The following FRMD4B variants were observed in gnomAD, a reference collection of about 807,000 sequenced individuals.
The protein encoded by FRMD4B is FERM domain containing 4B, also known as FERM domain-containing protein 4B.
In FRMD4B, 74 loss-of-function variants were observed where a neutral mutation model predicts 141.5. The ratio of observed to expected loss-of-function variants is 0.52; its 90% CI spans 0.43 to 0.63. The LOEUF (loss-of-function observed/expected upper bound fraction) is 0.63. Among genes scored for constraint, FRMD4B ranks in the 30% least tolerant of loss-of-function variants. The pLI is 0.00. For missense variants in FRMD4B, 1,366 were observed against 1,253.4 expected, an observed-to-expected ratio of 1.09 and a Z score of -1.36; for synonymous variants, 506 against 467.9, an observed-to-expected ratio of 1.08 and a Z score of -1.05.
At chr3:69,438,009 T>TTATATATACTACTATATTATATGTAAC (rs1705287767) in intron 1 of FRMD4B, among the ~76,000 whole-genome samples, 1 of 141,256 alleles carries the variant, frequency 7.1e-6, no homozygotes, top group Non-Finnish European at 1.5e-5. Context: ...TATAATACTG[T>TTATATATACTACTATATTATATGTAAC]TATATATACT....
At chr3:69,484,606 G>A (rs1706183636) in intron 1 of FRMD4B, among the ~76,000 whole-genome samples, 1 of 152,132 alleles carries the variant, frequency 6.6e-6, no homozygotes, top group African/African-American at 2.4e-5. Flanking sequence ...GCAGAGAGGA[G>A]TCCCTGGAGA....
intron 1 of FRMD4B, among the ~76,000 whole-genome samples, chr3:69,331,004 A>G (rs1363219129): frequency 6.6e-6 from 1 of 152,086 alleles, no homozygotes; most frequent in Admixed American, 6.5e-5. Context: ...TTCTAATCTC[A>G]GTTCCGTTCT....
intron 13 of FRMD4B, 132 bp downstream of exon 13, chr3:69,196,768 G>A: frequency 1.5e-6 from 1 of 662,256 alleles, no homozygotes; most frequent in South Asian, 2.1e-5. Flanking sequence ...ACCTGAAATA[G>A]TTGGAAGTTA....
intron 5 of FRMD4B, 187 bp from the exon 6 acceptor site, chr3:69,250,286 T>TGTGG: frequency 2.0e-6 from 1 of 488,438 alleles, no homozygotes. Context: ...AACCACTGTG[T>TGTGG]GTGCGTGTGT....
At chr3:69,229,517 T>C (rs1044181712) in intron 7 of FRMD4B, among the ~76,000 whole-genome samples, 1 of 152,252 alleles carries the variant, frequency 6.6e-6, no homozygotes, top group Middle Eastern at 3.4e-3. Context: ...TTTGAAGTGG[T>C]TGAGCTGTGG....
At chr3:69,330,774 G>A (rs982576169) in intron 1 of FRMD4B, among the ~76,000 whole-genome samples, 1 of 152,140 alleles carries the variant, frequency 6.6e-6, no homozygotes, top group Non-Finnish European at 1.5e-5. Context: ...TGGGATTACA[G>A]GCGTGTGCCA....
At chr3:69,368,811 C>T (rs1019331315) in intron 1 of FRMD4B, among the ~76,000 whole-genome samples, 5 of 152,158 alleles carry the variant, frequency 3.3e-5, no homozygotes, top group African/African-American at 2.4e-5. Context: ...GTACACACCA[C>T]CATATCTGGC....
intron 7 of FRMD4B, among the ~76,000 whole-genome samples, chr3:69,240,524 ACAAT>A (rs2093374978): frequency 6.6e-6 from 1 of 151,730 alleles, no homozygotes; most frequent in African/African-American, 2.4e-5. Context: ...TAAAAGAAAA[ACAAT>A]CAATGCAGAT....
At chr3:69,260,671 C>G (rs926096996) in intron 5 of FRMD4B, among the ~76,000 whole-genome samples, 12 of 152,370 alleles carry the variant, frequency 7.9e-5, no homozygotes, top group East Asian at 1.9e-4. Context: ...AAACTCTGCC[C>G]GCAGCCCCAG....
rs146605883 is a variant in FRMD4B, at chr3:69,335,256, C to A, written c.163-21739G>T. On this transcript the variant is annotated intron_variant, in intron 1 of 22. Coordinates refer to ENST00000398540, the MANE Select transcript of FRMD4B (RefSeq NM_015123.3). ...AGAAATAGCAATGATGAGGATTCAG[C>A]CTTGGCAGATCTGAGAAAAGCATAT... Among the ~76,000 whole-genome samples, 291 of 152,232 alleles carry A rather than the reference C, an allele frequency of 1.9e-3. 1 individual carries two copies. Among genetic ancestry groups the A allele is most frequent in the African/African-American group, 6.8e-3 (282 of 41,542 alleles).
intron 21 of FRMD4B, among the ~76,000 whole-genome samples, chr3:69,177,723 T>C (rs1259281238): frequency 6.6e-6 from 1 of 152,188 alleles, no homozygotes; most frequent in Non-Finnish European, 1.5e-5. Context: ...ACAATTCTCA[T>C]ATATTGCGAG....
intron 1 of FRMD4B, among the ~76,000 whole-genome samples, chr3:69,326,167 G>A (rs1451239847): frequency 6.9e-6 from 1 of 144,564 alleles, no homozygotes; most frequent in East Asian, 2.0e-4. Flanking sequence ...ATGTTGCCTA[G>A]GCTAGTCTTG....
intron 1 of FRMD4B, chr3:69,536,561 G>A (rs535676737): frequency 2.8e-6 from 2 of 711,294 alleles, no homozygotes; most frequent in Admixed American, 2.0e-5. Context: ...GATGGTGAGA[G>A]GGCAGGAGGC....
intron 1 of FRMD4B, among the ~76,000 whole-genome samples, chr3:69,474,965 C>T (rs1305690964): frequency 6.6e-6 from 1 of 152,130 alleles, no homozygotes; most frequent in Non-Finnish European, 1.5e-5. Flanking sequence ...GGCTTTCAAG[C>T]TTAGACCAAA....
At chr3:69,391,265 T>C (rs1272443220) in intron 2 of FRMD4B, among the ~76,000 whole-genome samples, 3 of 151,856 alleles carry the variant, frequency 2.0e-5, no homozygotes, top group South Asian at 4.1e-4. Context: ...TTTATTATTA[T>C]ACTTTTAAGT....
intron 2 of FRMD4B, among the ~76,000 whole-genome samples, chr3:69,411,530 C>A (rs1163870988): frequency 6.6e-6 from 1 of 152,170 alleles, no homozygotes; most frequent in Admixed American, 6.5e-5. Context: ...AGGCTCCATC[C>A]TTCAGCAGGG....
chr3:69,286,307 A>G (rs1700687542), intron 5 of FRMD4B, among the ~76,000 whole-genome samples: 1 of 152,222 alleles, frequency 6.6e-6, no homozygotes, highest in Non-Finnish European at 1.5e-5. Context: ...ACACAAAAAT[A>G]ATAATGTCAT....
intron 1 of FRMD4B, among the ~76,000 whole-genome samples, chr3:69,533,279 G>C (rs1387928570): frequency 6.6e-6 from 1 of 152,214 alleles, no homozygotes; most frequent in Non-Finnish European, 1.5e-5. Flanking sequence ...TGCTGTGACT[G>C]TCAAGGACAA....
At chr3:69,353,809 C>A (rs530681554) in intron 1 of FRMD4B, 2 of 542,844 alleles carry the variant, frequency 3.7e-6, no homozygotes, top group Non-Finnish European at 4.7e-6. Context: ...ATATGAGTCA[C>A]GGGAGAAATG....
Sources: allele counts gnomAD v4.1 joint callset (sites outside exome capture counted in the v4.1 genomes callset), GRCh38; gene constraint gnomAD v4.1.1; transcripts MANE v1.5; gene names NCBI Gene and HGNC (gene_info 2026-07-23, HGNC 2026-07-21).